Variants in SRPRB observed in about 807,000 individuals in gnomAD.
SRPRB encodes SRP receptor subunit beta, also known as signal recognition particle receptor subunit beta.
In SRPRB, 20 loss-of-function variants were observed where a neutral mutation model predicts 31.9. The ratio of observed to expected loss-of-function variants is 0.63; its 90% CI spans 0.44 to 0.91. The LOEUF (loss-of-function observed/expected upper bound fraction) is 0.91. Ranked by LOEUF, SRPRB falls within the 40% of genes least tolerant of loss-of-function variation. SRPRB has a pLI of 0.00. For missense variants in SRPRB, 321 were observed against 324.9 expected (o/e 0.99, Z 0.09); for synonymous variants, 146 against 132.8 (o/e 1.10, Z -0.68).
At chr3:133,803,585 G>A (rs1180159679), upstream of SRPRB, among the ~76,000 whole-genome samples, 3 of 151,838 alleles carry the variant, frequency 2.0e-5, no homozygotes, top group East Asian at 3.9e-4. Context: ...TCTGTGTTTC[G>A]CTTCTTGCCC....
Position 133,820,096 on chromosome 3 carries a change from C to A in SRPRB, c.*330C>A. Reference sequence around the variant, plus strand: ...GGATATGATGAGAATATGGCCATCACCTGAAAAGTTTTCTTATCTTCTGTG... The same window carrying A: ...GGATATGATGAGAATATGGCCATCAACTGAAAAGTTTTCTTATCTTCTGTG... On this transcript the variant is annotated 3_prime_UTR_variant, in exon 7 of 7. Coordinates refer to ENST00000678299, the MANE Select transcript of SRPRB (RefSeq NM_001379313.1). 4.4e-6 allele frequency: 1 copy of A among 229,770 alleles called. No homozygotes were observed. The highest frequency in any genetic ancestry group is 9.1e-5 in the East Asian group (1 of 11,046). The allele number at this position is 229,770 out of a possible 1,614,324, so 14.2% of individuals were successfully genotyped here.
At chr3:133,805,711 A>T, upstream of SRPRB, 1 of 1,151,546 alleles carries the variant, frequency 8.7e-7, no homozygotes, top group Non-Finnish European at 1.2e-6. Flanking sequence ...ACTCCCATCA[A>T]GCACTTGGGG....
intron 1 of SRPRB, 86 bp from the exon 2 acceptor site, chr3:133,806,523 C>G (rs1935163652): frequency 1.0e-6 from 1 of 998,616 alleles, no homozygotes; most frequent in Middle Eastern, 2.1e-4. Flanking sequence ...TCGTCACAGA[C>G]TTCTGTGAAT....
At chr3:133,827,847 C>T (rs2107983233), downstream of SRPRB, 1 of 644,030 alleles carries the variant, frequency 1.6e-6, no homozygotes, top group East Asian at 3.0e-5. Flanking sequence ...CACTGCCCAA[C>T]ATCACACACT....
upstream of SRPRB, among the ~76,000 whole-genome samples, chr3:133,801,560 T>C (rs1173945396): frequency 6.6e-6 from 1 of 152,224 alleles, no homozygotes; most frequent in African/African-American, 2.4e-5. Flanking sequence ...TTCATTCACA[T>C]AGCTCTGACC....
At chr3:133,788,859 A>G (rs945047171) in intron 1 of SRPRB, 7 of 152,290 alleles carry the variant, frequency 4.6e-5, no homozygotes, top group Non-Finnish European at 1.5e-5. Flanking sequence ...TTGACTGGCT[A>G]AGGACAAAAG....
intron 3 of SRPRB, 91 bp from the exon 4 acceptor site, chr3:133,811,026 A>G: frequency 8.4e-7 from 1 of 1,187,002 alleles, no homozygotes; most frequent in South Asian, 1.5e-5. Flanking sequence ...TTAATTAGGT[A>G]CCAGTTTGGT....
chr3:133,807,854 C>T (rs1413100777), intron 3 of SRPRB, 31 bp downstream of exon 3: 6 of 1,548,086 alleles, frequency 3.9e-6, no homozygotes, highest in African/African-American at 2.7e-5. Flanking sequence ...TGGAGTCTGA[C>T]AGTCTTACTT....
intron 4 of SRPRB, 115 bp downstream of exon 4, chr3:133,811,314 C>G: frequency 9.7e-7 from 1 of 1,031,528 alleles, no homozygotes; most frequent in South Asian, 1.6e-5. Context: ...TGTGGTAGAC[C>G]TTGAGGTGAC....
chr3:133,800,832 G>A (rs1046329026), upstream of SRPRB, among the ~76,000 whole-genome samples: 2 of 152,204 alleles, frequency 1.3e-5, no homozygotes, highest in African/African-American at 4.8e-5. Flanking sequence ...CATGAGCCAA[G>A]TACTGTTCAG....
chr3:133,820,937 G>A lies in SRPRB; in HGVS notation c.*1171G>A, dbSNP rs563401302. The stretch of plus-strand genomic sequence containing the variant: ...CCAACTAAAGCTTACAAGGAGACCA[G>A]GGTGGCTCTGTCCAGGGGAGAAGCC... On this transcript the variant is annotated 3_prime_UTR_variant, in exon 7 of 7. Coordinates refer to ENST00000678299, the MANE Select transcript of SRPRB (RefSeq NM_001379313.1). 2.5e-4 allele frequency: 38 copies of A among 152,472 alleles called. No individual in the cohort carries two copies. The highest frequency in any genetic ancestry group is 8.7e-4 in the African/African-American group (36 of 41,550). 9.4% of individuals were successfully genotyped at this position (152,472 alleles called of 1,614,324 possible). A position where few individuals can be genotyped will look rare whatever the true frequency, so the allele number is the denominator to read the frequency against.
intron 4 of SRPRB, among the ~76,000 whole-genome samples, chr3:133,812,819 A>C (rs567575824): frequency 6.6e-6 from 1 of 152,156 alleles, no homozygotes; most frequent in East Asian, 1.9e-4. Context: ...TTTAACCCCC[A>C]TCCATACTTT....
upstream of SRPRB, among the ~76,000 whole-genome samples, chr3:133,801,538 A>T (rs1299621004): frequency 1.3e-5 from 2 of 152,104 alleles, no homozygotes; most frequent in African/African-American, 2.4e-5. Flanking sequence ...CTTCACCACC[A>T]CGGCAGCCCT....
downstream of SRPRB, chr3:133,826,536 C>T (rs1348880350): frequency 6.5e-6 from 1 of 152,680 alleles, no homozygotes; most frequent in African/African-American, 2.4e-5. Flanking sequence ...CCAGGCAGGA[C>T]ACTGTCATGT....
intron 4 of SRPRB, among the ~76,000 whole-genome samples, chr3:133,815,178 C>T (rs763263568): frequency 2.0e-5 from 3 of 152,218 alleles, no homozygotes; most frequent in Non-Finnish European, 4.4e-5. Context: ...TCCAGACAGC[C>T]TGTGCCCCAA....
intron 1 of SRPRB, chr3:133,796,323 C>T (rs983578838): frequency 1.3e-5 from 2 of 152,302 alleles, no homozygotes; most frequent in Non-Finnish European, 2.9e-5. Flanking sequence ...CCATCGGCCC[C>T]TCCACCTCCC....
downstream of SRPRB, among the ~76,000 whole-genome samples, chr3:133,822,175 AG>A (rs1210607579): frequency 1.3e-5 from 2 of 152,114 alleles, no homozygotes; most frequent in African/African-American, 2.4e-5. Context: ...CGGGCCAACT[AG>A]GCACGACTGT....
chr3:133,809,136 G>C (rs1935214394), intron 3 of SRPRB, among the ~76,000 whole-genome samples: 1 of 151,684 alleles, frequency 6.6e-6, no homozygotes, highest in African/African-American at 2.4e-5. Context: ...GGGATTACAG[G>C]CGCCCACCAC....
intron 1 of SRPRB, chr3:133,788,238 C>T (rs1046848379): frequency 6.6e-6 from 1 of 152,210 alleles, no homozygotes; most frequent in African/African-American, 2.4e-5. Context: ...TTCATCCTCT[C>T]CATTTACATA....
Sources: allele counts gnomAD v4.1 joint callset (sites outside exome capture counted in the v4.1 genomes callset), GRCh38; gene constraint gnomAD v4.1.1; transcripts MANE v1.5; gene names NCBI Gene and HGNC (gene_info 2026-07-23, HGNC 2026-07-21).